ULBP2: variants seen among roughly 807,000 people sequenced by gnomAD.
ULBP2 encodes UL16-binding protein 2.
ULBP2 carries 21 observed loss-of-function variants against 23.6 expected under a neutral mutation model. The ratio of observed to expected loss-of-function variants is 0.89; its 90% confidence interval spans 0.63 to 1.28. The LOEUF is 1.28. Ranked by LOEUF, ULBP2 falls within the 50% of genes most tolerant of loss-of-function variation. The probability of loss-of-function intolerance (pLI) is 0.00; values close to 1 mark genes in which losing one functional copy is unlikely to be tolerated. For synonymous variants in ULBP2, 82 were observed against 112.8 expected, an observed-to-expected ratio of 0.73 and a Z score of 1.73; for missense variants, 251 against 306.0, an observed-to-expected ratio of 0.82 and a Z score of 1.34.
In ULBP2 at chr6:149,948,785, G is replaced by T. The variant is rs114531652; in HGVS notation, c.*85G>T. 2,820 of 456,694 alleles carry T rather than the reference G, an allele frequency of 6.2e-3. 83 individuals are homozygous for T. The highest frequency in any genetic ancestry group is 0.051 in the African/African-American group (2,563 of 50,188). 28.3% of individuals were successfully genotyped at this position (456,694 alleles called of 1,614,324 possible). A position where few individuals can be genotyped will look rare whatever the true frequency, so the allele number is the denominator to read the frequency against. On this transcript the variant is annotated 3_prime_UTR_variant, in exon 5 of 5. Transcript: ENST00000367351. ...CTTGATCAAACTCGCCCTTCTGTCT[G>T]GCCAGCTGCCCACGACCTACGGTGT...
At chr6:149,948,637 G>A in intron 4 of ULBP2, 86 bp from the exon 5 acceptor site, 6 of 456,638 alleles carry the variant, frequency 1.3e-5, no homozygotes, top group South Asian at 9.3e-5. Context: ...GGGGCTCTGA[G>A]ACATAGAGTG....
At chr6:149,948,019 G>A (rs1185614801) in intron 4 of ULBP2, among the ~76,000 whole-genome samples, 1 of 152,256 alleles carries the variant, frequency 6.6e-6, no homozygotes, top group Non-Finnish European at 1.5e-5. Context: ...AAGGTGGAAG[G>A]TGAAGAGTAG....
chr6:149,943,366 G>A (rs1778891887), intron 1 of ULBP2, among the ~76,000 whole-genome samples: 2 of 152,138 alleles, frequency 1.3e-5, no homozygotes, highest in South Asian at 2.1e-4. Context: ...GGGTCCCATA[G>A]TTGGGGGCTT....
intron 3 of ULBP2, among the ~76,000 whole-genome samples, 187 bp from the exon 4 acceptor site, chr6:149,947,133 C>T (rs1489689309): frequency 6.6e-6 from 1 of 151,880 alleles, no homozygotes; most frequent in African/African-American, 2.4e-5. Flanking sequence ...TGTGTGAGCT[C>T]CCTGAGGACA....
chr6:149,942,728 C>A (rs1778882123), intron 1 of ULBP2, among the ~76,000 whole-genome samples: 1 of 152,168 alleles, frequency 6.6e-6, no homozygotes, highest in Non-Finnish European at 1.5e-5. Flanking sequence ...ACTGCCACCA[C>A]CCAGGTCACG....
intron 1 of ULBP2, among the ~76,000 whole-genome samples, chr6:149,943,741 C>T (rs1200172816): frequency 6.6e-6 from 1 of 151,838 alleles, no homozygotes; most frequent in East Asian, 1.9e-4. Context: ...AGGTGCAGTA[C>T]TCTACAGGAG....
At chr6:149,947,979 C>T (rs1156740504) in intron 4 of ULBP2, among the ~76,000 whole-genome samples, 1 of 152,230 alleles carries the variant, frequency 6.6e-6, no homozygotes, top group Middle Eastern at 3.2e-3. Flanking sequence ...GGCTGCCTTC[C>T]CACAGAAAGT....
At chr6:149,948,373 A>G (rs540847722) in intron 4 of ULBP2, among the ~76,000 whole-genome samples, 41 of 152,210 alleles carry the variant, frequency 2.7e-4, no homozygotes, top group Non-Finnish European at 5.0e-4. Context: ...GCACAGGAAT[A>G]TGGAGCCCTC....
In ULBP2 at chr6:149,946,398, T is replaced by A. The variant is rs1778941400; in HGVS notation, c.376T>A (p.Ser126Thr). The A allele has an allele frequency of 6.2e-7, 1 of 1,613,862 alleles. No individual in the cohort carries two copies. Among genetic ancestry groups the A allele is most frequent in the South Asian group, 1.1e-5 (1 of 91,068 alleles). ...KEPLTLQARMSCEQKAEGHSS... is the reference protein window; with the variant it reads ...KEPLTLQARMTCEQKAEGHSS... ...ACCCCTCACCCTGCAGGCAAGGATG[T>A]CTTGTGAGCAGAAAGCTGAAGGACA... The change falls in exon 3 of 5, where the codon TCT becomes ACT. Residue 126 changes from serine (S) to threonine (T), a missense_variant. By Grantham distance (58) the Ser-to-Thr change is moderately conservative. This residue lies in a region of ULBP2 where 248 missense variants were observed against 258.9 expected (regional missense o/e 0.96). Transcript: ENST00000367351.
chr6:149,946,456 G>A lies in ULBP2; in HGVS notation c.434G>A (p.Gly145Glu). The A allele has an allele frequency of 5.6e-6, 9 of 1,614,138 alleles. No individual in the cohort carries two copies. Among genetic ancestry groups the A allele is most frequent in the African/African-American group, 1.3e-5 (1 of 75,024 alleles). The change falls in exon 3 of 5, where the codon GGG becomes GAG. Residue 145 changes from glycine (G) to glutamate (E), a missense_variant. Transcript: ENST00000367351. ...SSGSWQFSFD[G>E]QIFLLFDSEK... ...GGATCTTGGCAGTTCAGTTTCGATG[G>A]GCAGATCTTCCTCCTCTTTGACTCA...
chr6:149,948,380 C>T (rs1293846251), intron 4 of ULBP2, among the ~76,000 whole-genome samples: 1 of 152,186 alleles, frequency 6.6e-6, no homozygotes, highest in South Asian at 2.1e-4. Flanking sequence ...AATATGGAGC[C>T]CTCTTTTTGG....
At position 149,942,051 on chromosome 6, in the gene ULBP2, TC is replaced by T; in HGVS notation, c.-19del. The stretch of plus-strand genomic sequence containing the variant: ...GGCTCTCCTTCCATCAAGTCTCTCA[TC>T]CCTAGCGCTCTGGGTCCTTAATGGC... On this transcript the variant is annotated 5_prime_UTR_variant, in exon 1 of 5. Transcript: ENST00000367351. 6.2e-7 allele frequency: 1 copy of T among 1,610,660 alleles called. No individual in the cohort carries two copies. Among genetic ancestry groups the T allele is most frequent in the South Asian group, 1.1e-5 (1 of 90,580 alleles).
rs565482138 is a variant in ULBP2 at position 149,944,366 on chromosome 6, C to T, written c.86-943C>T. Among the ~76,000 whole-genome samples the T allele has an allele frequency of 5.4e-3, 819 of 151,396 alleles. 8 individuals carry two copies. Among genetic ancestry groups the T allele is most frequent in the African/African-American group, 0.019 (777 of 40,908 alleles). Reference sequence around the variant, plus strand: ...AACTTTGTATAACTGAGGTCCCCAGCTGGCATTGTGACTTCTCTAATCATT... The same window carrying T: ...AACTTTGTATAACTGAGGTCCCCAGTTGGCATTGTGACTTCTCTAATCATT... On this transcript the variant is annotated intron_variant, in intron 1 of 4. Transcript: ENST00000367351.
At chr6:149,945,658 G>T (rs1302392487) in intron 2 of ULBP2, 86 bp downstream of exon 2, 1 of 1,610,732 alleles carries the variant, frequency 6.2e-7, no homozygotes, top group Non-Finnish European at 8.5e-7. Flanking sequence ...AAATACAAAA[G>T]GGTCCTGGGC....
intron 1 of ULBP2, 43 bp downstream of exon 1, chr6:149,942,200 T>G (rs757005727): frequency 1.9e-6 from 3 of 1,593,068 alleles, no homozygotes; most frequent in Non-Finnish European, 2.6e-6. Flanking sequence ...GGACCAAGCC[T>G]GGAGGGCTGT....
At chr6:149,942,715 T>C (rs1778882042) in intron 1 of ULBP2, among the ~76,000 whole-genome samples, 3 of 151,994 alleles carry the variant, frequency 2.0e-5, no homozygotes, top group South Asian at 4.2e-4. Flanking sequence ...CCCCTCACCA[T>C]CCACTGCCAC....
In ULBP2 at chr6:149,943,196, A is replaced by G. The variant is rs1157594684; in HGVS notation, c.85+1039A>G. Among the ~76,000 whole-genome samples the G allele has an allele frequency of 1.3e-5, 2 of 152,200 alleles. 1 individual carries two copies. Among genetic ancestry groups the G allele is most frequent in the Admixed American group, 1.3e-4 (2 of 15,298 alleles). The stretch of plus-strand genomic sequence containing the variant: ...GGGGACCAGATTTGGACCCTGTCCT[A>G]GGTTGCTGATCCCAGATCAGGGGAT... On this transcript the variant is annotated intron_variant, in intron 1 of 4. Transcript: ENST00000367351.
rs568120367 is a variant in ULBP2 at position 149,942,140 on chromosome 6, C to T, written c.68C>T (p.Ser23Phe). ...CTTCTGCTCCTGCTGTCCGGCTGGT[C>T]CCGGGCTGGGCGAGCCGGTGAGTTC... Reference protein sequence around the residue: ...LPLLLLLSGWSRAGRADPHSL... With the variant: ...LPLLLLLSGWFRAGRADPHSL... The change falls in exon 1 of 5, where the codon TCC (serine) becomes TTC (phenylalanine). Residue 23 changes from serine (S) to phenylalanine (F), a missense_variant. Ser to Phe is a radical substitution (Grantham distance 155). Coordinates refer to ENST00000367351, the MANE Select transcript of ULBP2 (RefSeq NM_025217.4). 8 of 1,610,280 alleles carry T rather than the reference C, an allele frequency of 5.0e-6. No homozygotes were observed. In the South Asian group the frequency reaches 7.7e-5, roughly 16 times the overall value.
Position 149,946,879 on chromosome 6 carries a change from C to T in ULBP2, c.631+226C>T, listed in dbSNP as rs186854926. Among the ~76,000 whole-genome samples the T allele has an allele frequency of 1.8e-4, 27 of 152,280 alleles. No homozygotes were observed. The East Asian group carries it at 1.9e-3, about 11-fold the overall frequency. On this transcript the variant is annotated intron_variant, in intron 3 of 4. Transcript: ENST00000367351. The stretch of plus-strand genomic sequence containing the variant: ...CCTCACTGCACTTGCTCCTGCTCCC[C>T]GCCCTGTGGATTTCTCACCAGCCTT...
Sources: allele counts gnomAD v4.1 joint callset (sites outside exome capture counted in the v4.1 genomes callset), GRCh38; gene constraint gnomAD v4.1.1; regional missense constraint gnomAD v4.1.1; transcripts MANE v1.5; gene names NCBI Gene and HGNC (gene_info 2026-07-23, HGNC 2026-07-21).